The following SENP2 variants were observed in gnomAD, a reference collection of about 807,000 sequenced individuals.
The protein encoded by SENP2 is SUMO specific peptidase 2, also known as sentrin-specific protease 2.
A neutral mutation model predicts 86.3 loss-of-function variants in SENP2; 16 were observed. The ratio of observed to expected loss-of-function variants is 0.19; its 90% CI spans 0.13 to 0.28. The LOEUF is 0.28. SENP2 is among the 10% of genes least tolerant of loss of function. The pLI, the probability that SENP2 is intolerant of heterozygous loss-of-function variation, is 1.00. For synonymous variants in SENP2, 222 were observed against 238.7 expected, an observed-to-expected ratio of 0.93 and a Z score of 0.64; for missense variants, 552 against 703.0, an observed-to-expected ratio of 0.79 and a Z score of 2.43.
chr3:185,595,371 A>G (rs1722142528), intron 2 of SENP2, among the ~76,000 whole-genome samples: 1 of 152,196 alleles, frequency 6.6e-6, no homozygotes, highest in South Asian at 2.1e-4. Context: ...CCTCAGCACT[A>G]TTAGAAGGGG....
rs773359284 is a variant in SENP2, at chr3:185,632,131, T to C, written c.*2287T>C. The C allele has an allele frequency of 6.6e-6, 1 of 152,022 alleles. No individual in the cohort carries two copies. Among genetic ancestry groups the C allele is most frequent in the Non-Finnish European group, 1.5e-5 (1 of 67,994 alleles). 9.4% of individuals were successfully genotyped at this position (152,022 alleles called of 1,614,324 possible). A position where few individuals can be genotyped will look rare whatever the true frequency, so the allele number is the denominator to read the frequency against. On this transcript the variant is annotated 3_prime_UTR_variant, in exon 17 of 17. Coordinates refer to ENST00000296257, the MANE Select transcript of SENP2 (RefSeq NM_021627.3). ...TAGTTTTTTAGATCCAAACAGTTTA[T>C]TTGGATCTAAAAGTTTAAGTGTTCA... is the stretch of plus-strand genomic sequence containing the variant.
chr3:185,602,238 G>A (rs1722369553), intron 5 of SENP2, among the ~76,000 whole-genome samples: 1 of 152,036 alleles, frequency 6.6e-6, no homozygotes, highest in Non-Finnish European at 1.5e-5. Flanking sequence ...CTTATATTTA[G>A]GAATGAGAAA....
intron 13 of SENP2, 45 bp from the exon 14 acceptor site, chr3:185,621,779 CCT>C (rs768832839): frequency 1.8e-6 from 2 of 1,124,680 alleles, no homozygotes; most frequent in South Asian, 2.7e-5. Flanking sequence ...AATTCTCACT[CCT>C]CTTACATTTA....
chr3:185,627,654 A>G (rs1253570956), intron 16 of SENP2, among the ~76,000 whole-genome samples: 2 of 151,886 alleles, frequency 1.3e-5, no homozygotes, highest in Non-Finnish European at 2.9e-5. Flanking sequence ...CTCGTGATCC[A>G]CCTGCCTCAG....
At position 185,609,356 on chromosome 3, in the gene SENP2, A is replaced by C; in HGVS notation, c.722+6A>C. ...GTAACTTCAAATTATCACAGGTGAC[A>C]GTGAGCTAACAGATAATGCTTTGCT... On this transcript the variant is annotated splice_donor_region_variant and intron_variant, in intron 7 of 16. Transcript: ENST00000296257. The C allele has an allele frequency of 6.3e-7, 1 of 1,586,522 alleles. No individual in the cohort carries two copies. Among genetic ancestry groups the C allele is most frequent in the Non-Finnish European group, 8.7e-7 (1 of 1,155,240 alleles).
At chr3:185,620,796 A>G (rs981701723) in intron 13 of SENP2, among the ~76,000 whole-genome samples, 1 of 151,730 alleles carries the variant, frequency 6.6e-6, no homozygotes, top group African/African-American at 2.4e-5. Context: ...AGGGTTATTT[A>G]TATTTATTTA....
chr3:185,611,968 C>T (rs13091418), intron 8 of SENP2, among the ~76,000 whole-genome samples: 3 of 151,818 alleles, frequency 2.0e-5, no homozygotes, highest in Non-Finnish European at 4.4e-5. Context: ...ACCAGCCTGG[C>T]GAACATGGTA....
At chr3:185,617,072 A>G (rs982704330) in intron 11 of SENP2, among the ~76,000 whole-genome samples, 7 of 152,172 alleles carry the variant, frequency 4.6e-5, no homozygotes, top group Admixed American at 1.3e-4. Context: ...AGATGTAAAT[A>G]TTATTATTAA....
rs1007294911 is a variant in SENP2, at chr3:185,632,616, C to G, written c.*2772C>G. ...CTCAGCTCACTGCAACCCCCACCTC[C>G]CAGGTTCAAGCGATTCTCCTGCCTC... On this transcript the variant is annotated 3_prime_UTR_variant, in exon 17 of 17. Coordinates refer to ENST00000296257, the MANE Select transcript of SENP2 (RefSeq NM_021627.3). The G allele has an allele frequency of 1.3e-5, 2 of 152,570 alleles. No homozygotes were observed. The highest frequency in any genetic ancestry group is 2.9e-5 in the Non-Finnish European group (2 of 68,462). 9.5% of individuals were successfully genotyped at this position (152,570 alleles called of 1,614,324 possible).
intron 2 of SENP2, among the ~76,000 whole-genome samples, chr3:185,592,011 C>CTTTTTTTTTTTTT (rs149268515): frequency 0.033 from 2,191 of 65,690 alleles, 560 homozygotes; most frequent in East Asian, 0.047. Flanking sequence ...GGTAATATTT[C>CTTTTTTTTTTTTT]TTTTTTTTTT....
intron 2 of SENP2, among the ~76,000 whole-genome samples, chr3:185,595,635 C>T (rs1254932698): frequency 6.6e-6 from 1 of 152,060 alleles, no homozygotes; most frequent in Non-Finnish European, 1.5e-5. Context: ...CTCAAACTAG[C>T]GTCTTCAAAT....
At chr3:185,598,339 T>G in intron 2 of SENP2, 73 bp from the exon 3 acceptor site, 1 of 1,489,532 alleles carries the variant, frequency 6.7e-7, no homozygotes, top group East Asian at 2.3e-5. Context: ...AGAGAGGCTC[T>G]TTCCAAGATA....
chr3:185,595,582 A>C (rs1387935022), intron 2 of SENP2, among the ~76,000 whole-genome samples: 1 of 152,188 alleles, frequency 6.6e-6, no homozygotes, highest in African/African-American at 2.4e-5. Context: ...ATTGCAGTCT[A>C]TCTTTCTCTA....
intron 2 of SENP2, among the ~76,000 whole-genome samples, chr3:185,598,204 C>T (rs1722236869): frequency 6.6e-6 from 1 of 151,672 alleles, no homozygotes; most frequent in Admixed American, 6.6e-5. Context: ...GGGGTTTCTC[C>T]ATGGTGGCCC....
chr3:185,620,996 C>T (rs766920281), intron 13 of SENP2, among the ~76,000 whole-genome samples: 5 of 150,746 alleles, frequency 3.3e-5, no homozygotes, highest in Middle Eastern at 3.4e-3. Context: ...ATTTGCTGGG[C>T]GTGGTGGTGC....
chr3:185,591,617 C>T (rs1414058556), intron 2 of SENP2, among the ~76,000 whole-genome samples: 1 of 152,300 alleles, frequency 6.6e-6, no homozygotes, highest in Admixed American at 6.5e-5. Flanking sequence ...TCCCAAAGTG[C>T]TGGGATTACA....
rs1354836492 is a variant in SENP2 at position 185,621,868 on chromosome 3, A to G, written c.1489A>G (p.Met497Val). 1.2e-6 allele frequency: 2 copies of G among 1,612,132 alleles called. No homozygotes were observed. Among genetic ancestry groups the G allele is most frequent in the African/African-American group, 1.3e-5 (1 of 74,882 alleles). The change falls in exon 14 of 17, where the codon ATG becomes GTG. Residue 497 changes from methionine (M) to valine (V), a missense_variant. Met to Val is a conservative substitution (Grantham distance 21, BLOSUM62 1). Transcript: ENST00000296257. ...RKKCLKYLDSMGQKGHRICEI... is the reference protein window; with the variant it reads ...RKKCLKYLDSVGQKGHRICEI... The stretch of plus-strand genomic sequence containing the variant: ...AAAGTGTCTTAAATATCTGGATTCT[A>G]TGGGACAAAAGGGCCACAGGATCTG...
chr3:185,629,805 G>A lies in SENP2; in HGVS notation c.1731G>A (p.Lys577=), dbSNP rs1193588177. The A allele has an allele frequency of 6.2e-7, 1 of 1,614,088 alleles. No homozygotes were observed. The highest frequency in any genetic ancestry group is 1.3e-5 in the African/African-American group (1 of 74,952). ...FTQHQMPLFR[K]KMVWEILHQQ... ...AGCACCAGATGCCTCTCTTCCGGAA[G>A]AAGATGGTGTGGGAAATCCTTCATC... The change falls in exon 17 of 17, where the codon AAG becomes AAA. Residue 577 remains lysine, a synonymous_variant. Transcript: ENST00000296257.
At position 185,629,993 on chromosome 3, in the gene SENP2, C is replaced by CTCTA; in HGVS notation, c.*150_*153dup. ...AAGTGCATGAAGGCCTCTCACTGTA[C>CTCTA]TCTAGTCCTGACTTGGGGTGCAGAG... On this transcript the variant is annotated 3_prime_UTR_variant, in exon 17 of 17. Coordinates refer to ENST00000296257, the MANE Select transcript of SENP2 (RefSeq NM_021627.3). 1.4e-6 allele frequency: 1 copy of CTCTA among 720,612 alleles called. No individual in the cohort carries two copies. The highest frequency in any genetic ancestry group is 2.2e-5 in the Admixed American group (1 of 45,586). 44.6% of individuals were successfully genotyped at this position (720,612 alleles called of 1,614,324 possible).
Sources: allele counts gnomAD v4.1 joint callset (sites outside exome capture counted in the v4.1 genomes callset), GRCh38; gene constraint gnomAD v4.1.1; transcripts MANE v1.5; gene names NCBI Gene and HGNC (gene_info 2026-07-23, HGNC 2026-07-21).